The following SBF2 variants were observed in gnomAD, a reference collection of about 807,000 sequenced individuals.
The protein encoded by SBF2 is myotubularin-related protein 13.
A neutral mutation model predicts 225.2 loss-of-function variants in SBF2; 112 were observed. That is an observed-to-expected ratio of 0.50 (90% CI 0.43 to 0.58). SBF2 has a LOEUF of 0.58. SBF2 is among the 20% of genes least tolerant of loss of function. SBF2 has a pLI of 0.00. For synonymous variants in SBF2, 763 were observed against 773.3 expected, an observed-to-expected ratio of 0.99 and a Z score of 0.22; for missense variants, 1,996 against 2,206.2, an observed-to-expected ratio of 0.90 and a Z score of 1.91.
chr11:10,095,499 T>C (rs1027396527), intron 2 of SBF2, among the ~76,000 whole-genome samples: 2 of 152,058 alleles, frequency 1.3e-5, no homozygotes, highest in South Asian at 2.1e-4. Flanking sequence ...GACAGTCTTA[T>C]ACATTTCTTC....
At chr11:9,863,411 A>G (rs912351886) in intron 17 of SBF2, among the ~76,000 whole-genome samples, 7 of 152,216 alleles carry the variant, frequency 4.6e-5, no homozygotes, top group Non-Finnish European at 1.0e-4. Flanking sequence ...GGTCTTTTCC[A>G]TAAACATGTA....
At chr11:9,838,235 C>T (rs1400334405) in intron 26 of SBF2, 2 of 150,446 alleles carry the variant, frequency 1.3e-5, no homozygotes, top group Non-Finnish European at 3.0e-5. Flanking sequence ...TTTATTATTC[C>T]ATTTCCTTCC....
intron 17 of SBF2, among the ~76,000 whole-genome samples, chr11:9,866,532 A>G (rs1858236336): frequency 6.6e-6 from 1 of 152,260 alleles, no homozygotes; most frequent in South Asian, 2.1e-4. Context: ...CATATGCAGG[A>G]AAATGAGACT....
chr11:10,008,844 T>C (rs923702516), intron 6 of SBF2, among the ~76,000 whole-genome samples: 1 of 152,204 alleles, frequency 6.6e-6, no homozygotes, highest in Non-Finnish European at 1.5e-5. Flanking sequence ...ATGTGGCAGG[T>C]AGGACTATAA....
In SBF2 at chr11:10,249,091, G is replaced by A. The variant is rs184097080; in HGVS notation, c.55+44924C>T. Among the ~76,000 whole-genome samples, 129 of 148,890 alleles carry A rather than the reference G, an allele frequency of 8.7e-4. 1 individual carries two copies. Among genetic ancestry groups the A allele is most frequent in the Non-Finnish European group, 2.8e-4 (19 of 67,236 alleles). On this transcript the variant is annotated intron_variant, in intron 1 of 39. Coordinates refer to ENST00000256190, the MANE Select transcript of SBF2 (RefSeq NM_030962.4). ...AGCCTGGGTGACAGAGCAAGACTCCGTCTCAACAAAAAAAAAAAAGAAAGA... is the reference window on the plus strand; with the variant it reads ...AGCCTGGGTGACAGAGCAAGACTCCATCTCAACAAAAAAAAAAAAGAAAGA...
chr11:9,956,726 C>T (rs1422141693), intron 16 of SBF2: 2 of 152,110 alleles, frequency 1.3e-5, no homozygotes, highest in African/African-American at 4.8e-5. Context: ...AGCTGGCCCC[C>T]TGAAGCAAAC....
intron 16 of SBF2, among the ~76,000 whole-genome samples, chr11:9,896,577 A>G (rs558016780): frequency 4.2e-4 from 64 of 152,264 alleles, no homozygotes; most frequent in Non-Finnish European, 7.2e-4. Flanking sequence ...AGATCACCTG[A>G]GGTCAGGAGT....
At chr11:10,094,958 T>A (rs1421170457) in intron 2 of SBF2, among the ~76,000 whole-genome samples, 3 of 151,702 alleles carry the variant, frequency 2.0e-5, no homozygotes, top group Non-Finnish European at 4.4e-5. Context: ...ACAGCATAGG[T>A]TATGGCCAGC....
intron 7 of SBF2, among the ~76,000 whole-genome samples, chr11:10,001,800 A>C (rs1390851262): frequency 1.3e-5 from 2 of 152,158 alleles, no homozygotes; most frequent in Non-Finnish European, 2.9e-5. Context: ...TGCTGGGATT[A>C]CAGGTGTGAG....
chr11:10,220,435 ATT>A (rs1393366944), intron 1 of SBF2, among the ~76,000 whole-genome samples: 5 of 152,228 alleles, frequency 3.3e-5, no homozygotes, highest in Admixed American at 2.6e-4. Context: ...GTTCATTAAC[ATT>A]TACAGCACAT....
chr11:10,236,710 C>T (rs918455132), intron 1 of SBF2, among the ~76,000 whole-genome samples: 1 of 152,188 alleles, frequency 6.6e-6, no homozygotes, highest in Non-Finnish European at 1.5e-5. Context: ...AATCCACCCG[C>T]CTCGGCCTCC....
At chr11:9,826,929 C>T (rs1384932624) in intron 28 of SBF2, among the ~76,000 whole-genome samples, 1 of 152,020 alleles carries the variant, frequency 6.6e-6, no homozygotes, top group Non-Finnish European at 1.5e-5. Flanking sequence ...CCTCTGCCTC[C>T]CGGGTTCAAC....
At chr11:9,895,486 G>C (rs987023666) in intron 17 of SBF2, among the ~76,000 whole-genome samples, 1 of 152,180 alleles carries the variant, frequency 6.6e-6, no homozygotes, top group Non-Finnish European at 1.5e-5. Context: ...GAACATTCCA[G>C]AAAGTTCTCA....
At chr11:9,974,381 T>G (rs976384637) in intron 13 of SBF2, among the ~76,000 whole-genome samples, 3 of 152,092 alleles carry the variant, frequency 2.0e-5, no homozygotes, top group African/African-American at 7.2e-5. Context: ...GCACAGTCCC[T>G]CCAACTGTGA....
At chr11:9,982,547 A>G (rs1947003514) in intron 13 of SBF2, among the ~76,000 whole-genome samples, 1 of 152,230 alleles carries the variant, frequency 6.6e-6, no homozygotes, top group South Asian at 2.1e-4. Flanking sequence ...TATTTTTAAA[A>G]TTAATGACTG....
chr11:10,233,366 C>A (rs1386303835), intron 1 of SBF2, among the ~76,000 whole-genome samples: 1 of 151,988 alleles, frequency 6.6e-6, no homozygotes, highest in Admixed American at 6.6e-5. Flanking sequence ...TCTTAAAGTA[C>A]AAGAACTGTG....
rs778766567 is a variant in SBF2, at chr11:9,845,712, A to C, written c.2963T>G (p.Val988Gly). ...AAAGATCTCTACTACTTCTGGACTG[A>C]CTTCTTCATCAAATGCTACCTTAAT... ...QLIKVAFDEE[V>G]SPEVVEIFKK... Residue 988 changes from valine to glycine, a missense_variant, in exon 24 of 40, where the codon GTC (valine) becomes GGC (glycine). Val to Gly is a moderately radical substitution (Grantham distance 109, BLOSUM62 -3). Transcript: ENST00000256190. 1.9e-6 allele frequency: 3 copies of C among 1,613,926 alleles called. No individual in the cohort carries two copies. The highest frequency in any genetic ancestry group is 2.5e-6 in the Non-Finnish European group (3 of 1,179,812).
chr11:9,960,019 T>A (rs565800861), intron 16 of SBF2: 1 of 283,824 alleles, frequency 3.5e-6, no homozygotes, highest in Non-Finnish European at 6.9e-6. Flanking sequence ...GGGGTCTTGA[T>A]AAGTTGTCTA....
chr11:10,136,095 C>T (rs1954338044), intron 2 of SBF2, among the ~76,000 whole-genome samples: 1 of 152,138 alleles, frequency 6.6e-6, no homozygotes, highest in Non-Finnish European at 1.5e-5. Context: ...TGGCAGCCAA[C>T]AAGAGAAGAC....
Sources: gnomAD v4.1 joint callset for allele counts (sites outside exome capture counted in the v4.1 genomes callset) on GRCh38, gnomAD v4.1.1 for gene constraint, MANE v1.5 for transcripts, NCBI Gene and HGNC (gene_info 2026-07-23, HGNC 2026-07-21) for gene names.